The following NNMT variants were observed in gnomAD, a reference collection of about 807,000 sequenced individuals.
The protein encoded by NNMT is nicotinamide N-methyltransferase.
In NNMT, 10 loss-of-function variants were observed where a neutral mutation model predicts 11.7. The ratio of observed to expected loss-of-function variants is 0.85; its 90% CI spans 0.53 to 1.45. The LOEUF is 1.45. Among genes scored for constraint, NNMT ranks in the 40% most tolerant of loss-of-function variants. The pLI is 0.00. For synonymous variants in NNMT, 143 were observed against 133.8 expected, an observed-to-expected ratio of 1.07 and a Z score of -0.48; for missense variants, 381 against 319.4, an observed-to-expected ratio of 1.19 and a Z score of -1.47.
chr11:114,297,613 A>G (rs548583923), intron 1 of NNMT, among the ~76,000 whole-genome samples: 42 of 151,842 alleles, frequency 2.8e-4, no homozygotes, highest in African/African-American at 9.4e-4. Flanking sequence ...AGCCTCTCCA[A>G]TAACTAGGTC....
chr11:114,292,088 AT>A (rs1302585506), upstream of NNMT, among the ~76,000 whole-genome samples: 1 of 151,082 alleles, frequency 6.6e-6, no homozygotes, highest in African/African-American at 2.4e-5. Context: ...CACTTTTTCT[AT>A]TTCTCTTTTG....
intron 2 of NNMT, among the ~76,000 whole-genome samples, chr11:114,307,715 T>C (rs1468329667): frequency 6.6e-6 from 1 of 152,116 alleles, no homozygotes; most frequent in East Asian, 1.9e-4. Flanking sequence ...GTTGGCTCTC[T>C]CCTCCTGTGT....
intron 1 of NNMT, among the ~76,000 whole-genome samples, chr11:114,261,799 TC>T (rs1945085036): frequency 6.6e-6 from 1 of 152,010 alleles, no homozygotes; most frequent in South Asian, 2.1e-4. Flanking sequence ...ACTTTTCTTC[TC>T]CCATCCACCA....
At chr11:114,262,612 G>A (rs1945092049) in intron 1 of NNMT, among the ~76,000 whole-genome samples, 1 of 152,082 alleles carries the variant, frequency 6.6e-6, no homozygotes, top group Non-Finnish European at 1.5e-5. Flanking sequence ...CTTAGGACAG[G>A]TCATCTTTTC....
intron 2 of NNMT, among the ~76,000 whole-genome samples, chr11:114,286,151 A>T (rs1357602684): frequency 6.6e-6 from 1 of 152,200 alleles, no homozygotes; most frequent in Non-Finnish European, 1.5e-5. Flanking sequence ...AAAAAGAAAC[A>T]CTAGGTCCTG....
chr11:114,286,507 C>G (rs1267861836), intron 2 of NNMT, among the ~76,000 whole-genome samples: 1 of 152,140 alleles, frequency 6.6e-6, no homozygotes, highest in South Asian at 2.1e-4. Flanking sequence ...TTGTGCATCA[C>G]TAAATAATAA....
chr11:114,294,822 G>A (rs1008711110), upstream of NNMT, among the ~76,000 whole-genome samples: 1 of 152,194 alleles, frequency 6.6e-6, no homozygotes, highest in Admixed American at 6.6e-5. Flanking sequence ...CAAGTGCCTG[G>A]CTGGGTAGAA....
At chr11:114,282,522 T>C (rs184226926) in intron 2 of NNMT, among the ~76,000 whole-genome samples, 2 of 152,264 alleles carry the variant, frequency 1.3e-5, no homozygotes, top group Non-Finnish European at 2.9e-5. Flanking sequence ...ATTGTCTAAC[T>C]CCTCCCCAAT....
At chr11:114,303,277 T>G (rs1945456438) in intron 2 of NNMT, among the ~76,000 whole-genome samples, 1 of 152,212 alleles carries the variant, frequency 6.6e-6, no homozygotes, top group Non-Finnish European at 1.5e-5. Flanking sequence ...AAAAAGTTAG[T>G]AATTGTTTTC....
intron 2 of NNMT, among the ~76,000 whole-genome samples, chr11:114,279,205 C>T (rs527692316): frequency 8.5e-5 from 13 of 152,118 alleles, no homozygotes; most frequent in African/African-American, 2.7e-4. Flanking sequence ...ATGTACAAGG[C>T]GTGGCTAGTG....
At chr11:114,273,823 G>C (rs527314734) in intron 2 of NNMT, among the ~76,000 whole-genome samples, 1 of 152,122 alleles carries the variant, frequency 6.6e-6, no homozygotes, top group Non-Finnish European at 1.5e-5. Context: ...CTGGGCAACA[G>C]AGTGAGACTT....
chr11:114,292,710 TAC>T (rs35857136), upstream of NNMT, among the ~76,000 whole-genome samples: 1,192 of 152,298 alleles, frequency 7.8e-3, 14 homozygotes, highest in African/African-American at 0.027. Flanking sequence ...AGAGGGTCAT[TAC>T]AAGGAAACAG....
chr11:114,284,919 A>G (rs1435442720), intron 2 of NNMT, among the ~76,000 whole-genome samples: 2 of 151,562 alleles, frequency 1.3e-5, no homozygotes, highest in Non-Finnish European at 2.9e-5. Context: ...ACAGGTGCAT[A>G]CCACCATGAC....
At position 114,283,019 on chromosome 11, in the gene NNMT, T is replaced by C. The variant is rs116790403; in HGVS notation, c.-129-13409T>C. Among the ~76,000 whole-genome samples the C allele has an allele frequency of 5.3e-3, 814 of 152,284 alleles. 10 individuals carry two copies. The highest frequency in any genetic ancestry group is 0.019 in the African/African-American group (778 of 41,574). On this transcript the variant is annotated intron_variant, in intron 2 of 4. Coordinates refer to the NNMT transcript ENST00000535401. ...TATAGCAGATCATTCTAAAAATTGA[T>C]GGTAGGGATGGGAGTGGGTGTGCCG...
rs142486431 is a variant in NNMT, at chr11:114,281,418, T to C, written c.-129-15010T>C. On this transcript the variant is annotated intron_variant, in intron 2 of 4. Coordinates refer to the NNMT transcript ENST00000535401. ...GAGAGATGTTCAGAGCACTGGGGAG[T>C]ATAGAGGAGGTCCATTAACCTAGCC... Among the ~76,000 whole-genome samples, 3 of 151,680 alleles carry C rather than the reference T, an allele frequency of 2.0e-5. No homozygotes were observed. In the East Asian group the frequency reaches 5.9e-4, roughly 30 times the overall value.
chr11:114,295,847 T>A (rs1318849104), upstream of NNMT: 2 of 152,262 alleles, frequency 1.3e-5, no homozygotes, highest in African/African-American at 4.8e-5. Flanking sequence ...GTCATGGCAG[T>A]GGTCGGTGAA....
At chr11:114,281,776 A>G (rs1021961845) in intron 2 of NNMT, among the ~76,000 whole-genome samples, 1 of 152,128 alleles carries the variant, frequency 6.6e-6, no homozygotes, top group Non-Finnish European at 1.5e-5. Flanking sequence ...TGGAGAACTG[A>G]GTTTTTCTAG....
Position 114,278,611 on chromosome 11 carries a change from C to CGT in NNMT, c.-130+15677_-130+15678insGT, listed in dbSNP as rs1565721279. ...AGGGGTGGGAGGTGGACCTAATACT[C>CGT]ATGTGTGTGTGTGTGTGTGTGTGTG... On this transcript the variant is annotated intron_variant, in intron 2 of 4. Transcript: ENST00000535401. 1.7e-3 allele frequency among the ~76,000 whole-genome samples: 225 copies of CGT among 128,592 alleles called. 3 individuals carry two copies. Among genetic ancestry groups the CGT allele is most frequent in the African/African-American group, 6.4e-3 (210 of 32,766 alleles). The allele number at this position is 128,592 out of a possible 152,430, so 84.4% of individuals were successfully genotyped here.
chr11:114,270,923 C>T (rs985849193), intron 2 of NNMT, among the ~76,000 whole-genome samples: 3 of 152,040 alleles, frequency 2.0e-5, no homozygotes, highest in South Asian at 2.1e-4. Context: ...CAAAAGCATG[C>T]ACCACCACAC....
Sources: gnomAD v4.1 joint callset for allele counts (sites outside exome capture counted in the v4.1 genomes callset) on GRCh38, gnomAD v4.1.1 for gene constraint, MANE v1.5 for transcripts, NCBI Gene and HGNC (gene_info 2026-07-23, HGNC 2026-07-21) for gene names.